Variants in XKR4 observed in about 807,000 individuals in gnomAD.
XKR4 encodes the protein XK related 4, also known as XK-related protein 4.
XKR4 carries 12 observed loss-of-function variants against 53.9 expected under a neutral mutation model. The observed-to-expected ratio is 0.22, with a 90% CI of 0.14 to 0.36. XKR4 has a LOEUF of 0.36. XKR4 is among the 10% of genes least tolerant of loss of function. The pLI, the probability that XKR4 is intolerant of heterozygous loss-of-function variation, is 1.00. For synonymous variants in XKR4, 354 were observed against 362.4 expected, an observed-to-expected ratio of 0.98 and a Z score of 0.26; for missense variants, 799 against 859.5, an observed-to-expected ratio of 0.93 and a Z score of 0.88.
intron 1 of XKR4, among the ~76,000 whole-genome samples, chr8:55,159,772 T>G (rs944544685): frequency 6.6e-6 from 1 of 152,130 alleles, no homozygotes; most frequent in African/African-American, 2.4e-5. Flanking sequence ...CCCATGAAGT[T>G]GAAACTGAAG....
At chr8:55,248,045 T>C (rs530984649) in intron 1 of XKR4, among the ~76,000 whole-genome samples, 11 of 151,372 alleles carry the variant, frequency 7.3e-5, no homozygotes, top group Middle Eastern at 3.2e-3. Context: ...TTAGTAGAGA[T>C]GGGGTTTCAT....
At chr8:55,422,497 G>A (rs2129392597) in intron 2 of XKR4, among the ~76,000 whole-genome samples, 1 of 152,296 alleles carries the variant, frequency 6.6e-6, no homozygotes, top group Admixed American at 6.5e-5. Flanking sequence ...AACATGTACT[G>A]GCTGCGGAAG....
chr8:55,149,208 G>T (rs1286333012), intron 1 of XKR4, among the ~76,000 whole-genome samples: 1 of 152,176 alleles, frequency 6.6e-6, no homozygotes, highest in Non-Finnish European at 1.5e-5. Flanking sequence ...TTTATAACTT[G>T]CTAGACCCAT....
intron 1 of XKR4, among the ~76,000 whole-genome samples, chr8:55,115,405 A>G (rs1414139969): frequency 5.7e-5 from 7 of 121,746 alleles, no homozygotes; most frequent in Non-Finnish European, 1.1e-4. Context: ...CACACACACA[A>G]ATGAATCTCC....
At chr8:55,504,310 T>G (rs566675943) in intron 2 of XKR4, among the ~76,000 whole-genome samples, 5 of 152,008 alleles carry the variant, frequency 3.3e-5, no homozygotes, top group African/African-American at 1.2e-4. Flanking sequence ...CCTCCCTGGC[T>G]CAAGCAATTC....
At chr8:55,306,131 T>C (rs961749416) in intron 1 of XKR4, among the ~76,000 whole-genome samples, 1 of 152,062 alleles carries the variant, frequency 6.6e-6, no homozygotes. Flanking sequence ...TAAACAGAGA[T>C]GAAAAAAACT....
At chr8:55,207,615 T>TAC (rs1205638547) in intron 1 of XKR4, among the ~76,000 whole-genome samples, 1 of 151,836 alleles carries the variant, frequency 6.6e-6, no homozygotes, top group Non-Finnish European at 1.5e-5. Context: ...TCACACCTTA[T>TAC]ACACACACAC....
chr8:55,273,437 G>A (rs9298531), intron 1 of XKR4, among the ~76,000 whole-genome samples: 54,689 of 152,054 alleles, frequency 0.36, 12,031 homozygotes, highest in Non-Finnish European at 0.49. Context: ...CTTCTTGCCT[G>A]GGGACTAGAT....
At chr8:55,232,283 A>C (rs563098628) in intron 1 of XKR4, among the ~76,000 whole-genome samples, 3 of 152,336 alleles carry the variant, frequency 2.0e-5, no homozygotes, top group South Asian at 2.1e-4. Context: ...AGTGCCAGGA[A>C]GAGGCCATTA....
intron 1 of XKR4, among the ~76,000 whole-genome samples, chr8:55,295,767 A>G (rs1467511926): frequency 6.6e-6 from 1 of 152,222 alleles, no homozygotes; most frequent in African/African-American, 2.4e-5. Flanking sequence ...AAATTGCTCA[A>G]TAGAGCATAA....
Position 55,367,173 on chromosome 8 carries a change from A to T in XKR4, c.1006+9296A>T, listed in dbSNP as rs572460108. On this transcript the variant is annotated intron_variant, in intron 2 of 2. Transcript: ENST00000327381. Reference sequence around the variant, plus strand: ...GCCCACCGTTCTACATGTGATCACTATTTGAAAAAATTAGTTTTGCAAGTT... The same window carrying T: ...GCCCACCGTTCTACATGTGATCACTTTTTGAAAAAATTAGTTTTGCAAGTT... Among the ~76,000 whole-genome samples, 95 of 152,180 alleles carry T rather than the reference A, an allele frequency of 6.2e-4. 1 individual carries two copies. The South Asian group carries it at 0.019, about 31-fold the overall frequency.
rs1358108374 is a variant in XKR4, at chr8:55,451,514, C to T, written c.1007-71767C>T. 5 of 1,049,320 alleles carry T rather than the reference C, an allele frequency of 4.8e-6. No individual in the cohort carries two copies. The East Asian group carries it at 7.7e-5, about 16-fold the overall frequency. The allele number at this position is 1,049,320 out of a possible 1,614,324, so 65.0% of individuals were successfully genotyped here. A position where few individuals can be genotyped will look rare whatever the true frequency, so the allele number is the denominator to read the frequency against. Reference sequence around the variant, plus strand: ...TGGCCTGGAGAAGGTGCGTTCTGGGCCTTAAAGAGTCCGACTACACCTATG... The same window carrying T: ...TGGCCTGGAGAAGGTGCGTTCTGGGTCTTAAAGAGTCCGACTACACCTATG... On this transcript the variant is annotated intron_variant, in intron 2 of 2. Coordinates refer to ENST00000327381, the MANE Select transcript of XKR4 (RefSeq NM_052898.2).
chr8:55,207,943 G>A (rs1212856669), intron 1 of XKR4, among the ~76,000 whole-genome samples: 3 of 152,168 alleles, frequency 2.0e-5, no homozygotes. Context: ...ATAAATGTTT[G>A]GAGACGACAT....
At chr8:55,319,993 C>T (rs1337111865) in intron 1 of XKR4, among the ~76,000 whole-genome samples, 1 of 152,296 alleles carries the variant, frequency 6.6e-6, no homozygotes, top group East Asian at 1.9e-4. Context: ...CTTTCTCTCC[C>T]AGTTTCTTGC....
At chr8:55,282,892 G>A (rs908679083) in intron 1 of XKR4, among the ~76,000 whole-genome samples, 1 of 152,256 alleles carries the variant, frequency 6.6e-6, no homozygotes, top group Non-Finnish European at 1.5e-5. Context: ...AATTACTATT[G>A]TCATGGTACT....
intron 2 of XKR4, among the ~76,000 whole-genome samples, chr8:55,423,589 A>G (rs1182545539): frequency 6.6e-6 from 1 of 152,194 alleles, no homozygotes; most frequent in East Asian, 1.9e-4. Context: ...AGCCATGACT[A>G]TCCCTCAGAT....
chr8:55,255,939 T>C (rs947311104), intron 1 of XKR4, among the ~76,000 whole-genome samples: 8 of 151,314 alleles, frequency 5.3e-5, no homozygotes, highest in Non-Finnish European at 1.0e-4. Flanking sequence ...AAGAGACACA[T>C]CGTCCAATCA....
chr8:55,310,876 G>A (rs1363517624), intron 1 of XKR4, among the ~76,000 whole-genome samples: 1 of 152,228 alleles, frequency 6.6e-6, no homozygotes, highest in East Asian at 1.9e-4. Context: ...AGAAAGGAAA[G>A]CAAAGACCCA....
chr8:55,265,845 T>C (rs1298510878), intron 1 of XKR4, among the ~76,000 whole-genome samples: 2 of 149,530 alleles, frequency 1.3e-5, no homozygotes, highest in Non-Finnish European at 3.0e-5. Context: ...ATTAGCTGGG[T>C]GTGGTGGCAT....
Sources: gnomAD v4.1 joint callset for allele counts (sites outside exome capture counted in the v4.1 genomes callset) on GRCh38, gnomAD v4.1.1 for gene constraint, MANE v1.5 for transcripts, NCBI Gene and HGNC (gene_info 2026-07-23, HGNC 2026-07-21) for gene names.